Variants in COMT observed in about 807,000 individuals in gnomAD.
COMT encodes catechol O-methyltransferase.
A neutral mutation model predicts 18.9 loss-of-function variants in COMT; 13 were observed. The observed-to-expected ratio is 0.69, with a 90% CI of 0.45 to 1.09. The LOEUF is 1.09. Ranked by LOEUF, COMT falls within the 50% of genes least tolerant of loss-of-function variation. The pLI is 0.00. For missense variants in COMT, 329 were observed against 361.8 expected (o/e 0.91, Z 0.73); for synonymous variants, 150 against 160.9 (o/e 0.93, Z 0.51).
chr22:19,966,166 T>C (rs1413238164), intron 5 of COMT, among the ~76,000 whole-genome samples: 1 of 152,176 alleles, frequency 6.6e-6, no homozygotes, highest in African/African-American at 2.4e-5. Context: ...AGTCATGAAT[T>C]GGGAATGGGT....
At chr22:19,944,567 G>A (rs1941804903) in intron 1 of COMT, among the ~76,000 whole-genome samples, 3 of 150,874 alleles carry the variant, frequency 2.0e-5, no homozygotes, top group South Asian at 4.2e-4. Flanking sequence ...GCTCACGCCT[G>A]TAATCCCAGC....
rs562546579 is a variant in COMT, at chr22:19,963,977, C to T, written c.484-191C>T. On this transcript the variant is annotated intron_variant, in intron 4 of 5. Coordinates refer to ENST00000361682, the MANE Select transcript of COMT (RefSeq NM_000754.4). ...CTCTGGGTAAACTGCCAAGGTGGCA[C>T]CAGGAGGGGCAGGGACAGAGTGGGG... 99 of 1,258,326 alleles carry T rather than the reference C, an allele frequency of 7.9e-5. No individual in the cohort carries two copies. The East Asian group carries it at 2.3e-3, about 29-fold the overall frequency. 77.9% of individuals were successfully genotyped at this position (1,258,326 alleles called of 1,614,324 possible). A position where few individuals can be genotyped will look rare whatever the true frequency, so the allele number is the denominator to read the frequency against.
Position 19,969,270 on chromosome 22 carries a change from G to A in COMT, c.*534G>A, listed in dbSNP as rs1306807953. On this transcript the variant is annotated 3_prime_UTR_variant, in exon 6 of 6. Coordinates refer to ENST00000361682, the MANE Select transcript of COMT (RefSeq NM_000754.4). The stretch of plus-strand genomic sequence containing the variant: ...GGGGACGACTGCCGGCCTGGGAAAC[G>A]AAGAGGAGTCAGCCAGCATTCACAC... The A allele has an allele frequency of 5.1e-5, 8 of 155,522 alleles. 1 individual carries two copies. Among genetic ancestry groups the A allele is most frequent in the Non-Finnish European group, 1.1e-4 (8 of 70,200 alleles). The allele number at this position is 155,522 out of a possible 1,614,324, so 9.6% of individuals were successfully genotyped here. A position where few individuals can be genotyped will look rare whatever the true frequency, so the allele number is the denominator to read the frequency against.
At chr22:19,957,982 T>C (rs984149660) in intron 1 of COMT, among the ~76,000 whole-genome samples, 1 of 152,200 alleles carries the variant, frequency 6.6e-6, no homozygotes, top group Non-Finnish European at 1.5e-5. Flanking sequence ...TTGGCCATTG[T>C]GGATGATGTT....
intron 1 of COMT, among the ~76,000 whole-genome samples, chr22:19,950,433 AG>A (rs1201558848): frequency 2.6e-5 from 4 of 152,060 alleles, no homozygotes; most frequent in Non-Finnish European, 5.9e-5. Flanking sequence ...GGACAAGTTA[AG>A]GGTCACTTGC....
chr22:19,956,040 G>C (rs1942049542), intron 1 of COMT, among the ~76,000 whole-genome samples: 2 of 151,950 alleles, frequency 1.3e-5, no homozygotes, highest in South Asian at 4.2e-4. Context: ...TCTTCTGACA[G>C]AGGTGATAGC....
chr22:19,956,137 CTTTTTTTTTTTTTTTTT>C (rs71186638), intron 1 of COMT, among the ~76,000 whole-genome samples: 3 of 84,818 alleles, frequency 3.5e-5, no homozygotes, highest in Admixed American at 1.8e-4. Context: ...TTCTTTTTTT[CTTTTTTTTTTTTTTTTT>C]TTTTTTTTGA....
chr22:19,953,916 T>G (rs1364085290), intron 1 of COMT, among the ~76,000 whole-genome samples: 1 of 152,002 alleles, frequency 6.6e-6, no homozygotes, highest in Non-Finnish European at 1.5e-5. Context: ...AGAACACCCT[T>G]GAAGGATAAA....
At chr22:19,963,543 C>T (rs1263470888) in intron 3 of COMT, 23 bp from the exon 4 acceptor site, 2 of 1,609,484 alleles carry the variant, frequency 1.2e-6, no homozygotes, top group Non-Finnish European at 8.5e-7. Context: ...GCTCACCTCT[C>T]CTCCGTCCCC....
At chr22:19,966,879 G>A (rs1291383160) in intron 5 of COMT, 2 of 949,212 alleles carry the variant, frequency 2.1e-6, no homozygotes, top group Non-Finnish European at 2.5e-6. Context: ...GGGTGGGCCA[G>A]ATGAAAACCA....
intron 1 of COMT, among the ~76,000 whole-genome samples, chr22:19,949,314 G>GT (rs753857109): frequency 2.0e-4 from 30 of 152,110 alleles, no homozygotes; most frequent in African/African-American, 3.1e-4. Flanking sequence ...TAATTTTTGA[G>GT]TTTTTTTATA....
chr22:19,951,531 C>G (rs146658977), intron 1 of COMT: 2 of 152,300 alleles, frequency 1.3e-5, no homozygotes, highest in East Asian at 3.9e-4. Flanking sequence ...GTGGAGATAA[C>G]ACGGATCGCT....
In COMT at chr22:19,963,548, G is replaced by C. The variant is rs199590736; in HGVS notation, c.290-18G>C. 3.2e-5 allele frequency: 52 copies of C among 1,610,030 alleles called. No individual in the cohort carries two copies. The highest frequency in any genetic ancestry group is 4.2e-5 in the Non-Finnish European group (50 of 1,179,894). ...CTCCACCTGTGCTCACCTCTCCTCC[G>C]TCCCCAACCCTGCACAGGCAAGATC... On this transcript the variant is annotated intron_variant, in intron 3 of 5. Coordinates refer to ENST00000361682, the MANE Select transcript of COMT (RefSeq NM_000754.4).
intron 4 of COMT, 31 bp downstream of exon 4, chr22:19,963,790 G>T (rs1399488391): frequency 6.2e-7 from 1 of 1,600,856 alleles, no homozygotes; most frequent in Admixed American, 1.7e-5. Flanking sequence ...GTCAGACCTG[G>T]AAAAAGGGCC....
chr22:19,965,694 C>T (rs1942354466), intron 5 of COMT: 1 of 152,312 alleles, frequency 6.6e-6, no homozygotes, highest in Non-Finnish European at 1.5e-5. Context: ...GGAAAGATCC[C>T]TGTCAGCCTT....
intron 5 of COMT, among the ~76,000 whole-genome samples, chr22:19,968,003 TG>T (rs945853427): frequency 6.6e-6 from 1 of 152,130 alleles, no homozygotes; most frequent in East Asian, 1.9e-4. Context: ...CTGGTGAAGA[TG>T]GGGGGTCTGC....
intron 1 of COMT, chr22:19,951,543 T>A (rs1232196347): frequency 6.6e-6 from 1 of 152,172 alleles, no homozygotes; most frequent in Non-Finnish European, 1.5e-5. Flanking sequence ...CGGATCGCTG[T>A]GTACACTGTG....
chr22:19,964,205 C>G lies in COMT; in HGVS notation c.521C>G (p.Pro174Arg), dbSNP rs1395452462. 15 of 1,614,036 alleles carry G rather than the reference C, an allele frequency of 9.3e-6. No individual in the cohort carries two copies. The African/African-American group carries it at 1.9e-4, about 20-fold the overall frequency. Residue 174 changes from proline to arginine, a missense_variant, in exon 5 of 6, where the codon CCC becomes CGC. By Grantham distance (103) the Pro-to-Arg change is moderately radical. Transcript: ENST00000361682. ...LVVGASQDIIPQLKKKYDVDT... is the reference protein window; with the variant it reads ...LVVGASQDIIRQLKKKYDVDT... ...GTTGGAGCGTCCCAGGACATCATCC[C>G]CCAGCTGAAGAAGAAGTATGATGTG... is the stretch of plus-strand genomic sequence containing the variant.
rs361699 is a variant in COMT at position 19,954,218 on chromosome 22, C to CAA, written c.-91-6969_-91-6968dup. Among the ~76,000 whole-genome samples, 274 of 135,426 alleles carry CAA rather than the reference C, an allele frequency of 2.0e-3. 4 individuals are homozygous for CAA. Among genetic ancestry groups the CAA allele is most frequent in the African/African-American group, 4.8e-3 (175 of 36,206 alleles). The allele number at this position is 135,426 out of a possible 152,430, so 88.8% of individuals were successfully genotyped here. A position where few individuals can be genotyped will look rare whatever the true frequency, so the allele number is the denominator to read the frequency against. On this transcript the variant is annotated intron_variant, in intron 1 of 5. Coordinates refer to ENST00000361682, the MANE Select transcript of COMT (RefSeq NM_000754.4). ...TCCCTTTAGCTATTAGGTATTGAGT[C>CAA]AAAAAAAAAAAAAGCCTTCCCCTGA...
Sources: gnomAD v4.1 joint callset for allele counts (sites outside exome capture counted in the v4.1 genomes callset) on GRCh38, gnomAD v4.1.1 for gene constraint, MANE v1.5 for transcripts, NCBI Gene and HGNC (gene_info 2026-07-23, HGNC 2026-07-21) for gene names.